The following ANAPC4 variants were observed in gnomAD, a reference collection of about 807,000 sequenced individuals.
The protein encoded by ANAPC4 is anaphase-promoting complex subunit 4.
A neutral mutation model predicts 119.8 loss-of-function variants in ANAPC4; 63 were observed. The observed-to-expected ratio is 0.53, with a 90% CI of 0.43 to 0.65. The LOEUF is 0.65. ANAPC4 is among the 30% of genes least tolerant of loss of function. The probability of loss-of-function intolerance (pLI) is 0.00; values close to 1 mark genes in which losing one functional copy is unlikely to be tolerated. For synonymous variants in ANAPC4, 283 were observed against 318.6 expected, an observed-to-expected ratio of 0.89 and a Z score of 1.19; for missense variants, 716 against 945.1, an observed-to-expected ratio of 0.76 and a Z score of 3.18.
rs530950879 is a variant in ANAPC4, at chr4:25,406,311, T to A, written c.1318-518T>A. 4.6e-5 allele frequency among the ~76,000 whole-genome samples: 7 copies of A among 152,340 alleles called. No individual in the cohort carries two copies. In the East Asian group the frequency reaches 7.7e-4, roughly 17 times the overall value. ...TTTCACAATAGTTGTTTTTCTGACA[T>A]CACTGTTAGCTTTATTTTGGGAGTA... is the stretch of plus-strand genomic sequence containing the variant. On this transcript the variant is annotated intron_variant, in intron 18 of 28. Transcript: ENST00000315368.
chr4:25,415,761 A>G (rs1011594119), intron 26 of ANAPC4: 7 of 422,054 alleles, frequency 1.7e-5, no homozygotes, highest in East Asian at 3.7e-5. Flanking sequence ...ACGGTTTCCT[A>G]TAATTAATAC....
intron 27 of ANAPC4, chr4:25,416,951 T>C (rs1723910579): frequency 6.2e-6 from 1 of 161,418 alleles, no homozygotes; most frequent in Non-Finnish European, 1.3e-5. Flanking sequence ...CTTCCAGAAT[T>C]AAGACCTCAG....
At chr4:25,400,837 T>A (rs959802984) in intron 16 of ANAPC4, among the ~76,000 whole-genome samples, 29 of 151,352 alleles carry the variant, frequency 1.9e-4, no homozygotes, top group Admixed American at 1.4e-3. Flanking sequence ...GGGAGGAAGG[T>A]GGGGGCCCTG....
chr4:25,404,207 T>C (rs952383777), intron 17 of ANAPC4, among the ~76,000 whole-genome samples: 1 of 152,224 alleles, frequency 6.6e-6, no homozygotes, highest in African/African-American at 2.4e-5. Flanking sequence ...AAAAACTGAA[T>C]GTGATCTGCC....
rs1721447036 is a variant in ANAPC4 at position 25,377,264 on chromosome 4, TGGAGGCTGTGGCGC to T, written c.-89_-76del. 1 of 927,462 alleles carries T rather than the reference TGGAGGCTGTGGCGC, an allele frequency of 1.1e-6. No individual in the cohort carries two copies. The highest frequency in any genetic ancestry group is 1.8e-5 in the South Asian group (1 of 54,694). 57.5% of individuals were successfully genotyped at this position (927,462 alleles called of 1,614,324 possible). On this transcript the variant is annotated 5_prime_UTR_variant, in exon 1 of 29. Transcript: ENST00000315368. ...GCGACAGCGGCGGGGCGGGGCGGCC[TGGAGGCTGTGGCGC>T]GCGGCCGGCAGAGGGAGGGGAGAGG...
chr4:25,408,535 AAAT>A (rs57999823), intron 20 of ANAPC4, among the ~76,000 whole-genome samples: 59,908 of 150,204 alleles, frequency 0.4, 13,687 homozygotes, highest in Non-Finnish European at 0.51. Flanking sequence ...AAAAAAAAAA[AAAT>A]TTTTTTTTTT....
At position 25,414,605 on chromosome 4, in the gene ANAPC4, T is replaced by A; in HGVS notation, c.1731T>A (p.Asn577Lys). Residue 577 changes from asparagine to lysine, a missense_variant, in exon 25 of 29, where the codon AAT becomes AAA. Physicochemically the swap from Asn to Lys is moderately conservative, Grantham distance 94. This residue lies in a region of ANAPC4 where 504 missense variants were observed against 615.8 expected (regional missense o/e 0.82). Transcript: ENST00000315368. ...TGACAATTTTTTTTCTTAGGTGGAA[T>A]AATAAAACTTCAAATCTACATTATC... ...RRLFKFPFLW[N>K]NKTSNLHYLL... 1 of 1,553,292 alleles carries A rather than the reference T, an allele frequency of 6.4e-7. No homozygotes were observed. The highest frequency in any genetic ancestry group is 8.7e-7 in the Non-Finnish European group (1 of 1,147,184).
At chr4:25,393,068 T>A (rs1722441890) in intron 10 of ANAPC4, among the ~76,000 whole-genome samples, 1 of 152,188 alleles carries the variant, frequency 6.6e-6, no homozygotes, top group South Asian at 2.1e-4. Context: ...GGACTCTGCA[T>A]CTGACTGGAG....
At chr4:25,388,276 C>T (rs923808267) in intron 4 of ANAPC4, among the ~76,000 whole-genome samples, 4 of 149,848 alleles carry the variant, frequency 2.7e-5, no homozygotes, top group Non-Finnish European at 5.9e-5. Flanking sequence ...CTAAATGTAA[C>T]GTGTGCAGGC....
intron 4 of ANAPC4, among the ~76,000 whole-genome samples, chr4:25,383,686 G>A (rs543596493): frequency 6.6e-6 from 1 of 152,216 alleles, no homozygotes; most frequent in East Asian, 1.9e-4. Context: ...GCATGTAAAA[G>A]TTATGTTTAT....
chr4:25,391,742 A>T (rs1722357162), intron 9 of ANAPC4, among the ~76,000 whole-genome samples: 1 of 152,226 alleles, frequency 6.6e-6, no homozygotes, highest in Non-Finnish European at 1.5e-5. Flanking sequence ...AACAAAAAAG[A>T]TGCAAGATGC....
chr4:25,383,691 G>A (rs1030748580), intron 4 of ANAPC4, among the ~76,000 whole-genome samples: 10 of 152,092 alleles, frequency 6.6e-5, no homozygotes, highest in African/African-American at 2.4e-4. Flanking sequence ...TAAAAGTTAT[G>A]TTTATATTAT....
intron 21 of ANAPC4, 142 bp from the exon 22 acceptor site, chr4:25,413,503 G>T: frequency 5.4e-6 from 3 of 560,254 alleles, no homozygotes; most frequent in Middle Eastern, 4.9e-4. Flanking sequence ...ATGAGGTTGT[G>T]TGAAAATCCA....
intron 20 of ANAPC4, among the ~76,000 whole-genome samples, chr4:25,407,972 A>G (rs1186782440): frequency 6.6e-6 from 1 of 152,254 alleles, no homozygotes; most frequent in Non-Finnish European, 1.5e-5. Flanking sequence ...GTGAAAAATA[A>G]TGAAATTTTA....
chr4:25,381,954 A>T (rs1721756046), intron 3 of ANAPC4, among the ~76,000 whole-genome samples: 1 of 152,244 alleles, frequency 6.6e-6, no homozygotes. Context: ...TCTCAAAAAA[A>T]AAATCCCTGA....
At chr4:25,413,188 T>A (rs1212243794) in intron 21 of ANAPC4, 1 of 152,648 alleles carries the variant, frequency 6.6e-6, no homozygotes, top group Non-Finnish European at 1.5e-5. Flanking sequence ...TATATTACTT[T>A]CTCCTGATAA....
At chr4:25,399,064 A>T (rs1392771783) in intron 16 of ANAPC4, among the ~76,000 whole-genome samples, 2 of 151,676 alleles carry the variant, frequency 1.3e-5, no homozygotes, top group African/African-American at 4.9e-5. Flanking sequence ...CCTTTACTTG[A>T]TTCATCATTT....
Position 25,416,446 on chromosome 4 carries a change from A to G in ANAPC4, c.1923A>G (p.Ala641=). The change falls in exon 27 of 29, where the codon GCA becomes GCG. Residue 641 remains alanine, a synonymous_variant. Coordinates refer to ENST00000315368, the MANE Select transcript of ANAPC4 (RefSeq NM_013367.3). ...CTAGCATCTACAGTTGTTTAGATGC[A>G]CAGTTTTATGATGATGAAACTGTAA... is the stretch of plus-strand genomic sequence containing the variant. The part of the protein sequence containing the change: ...VRRSIYSCLD[A]QFYDDETVTV... 6.4e-7 allele frequency: 1 copy of G among 1,550,436 alleles called. No individual in the cohort carries two copies. Among genetic ancestry groups the G allele is most frequent in the Non-Finnish European group, 8.8e-7 (1 of 1,141,010 alleles).
At chr4:25,380,738 T>C (rs1239237142) in intron 3 of ANAPC4, 3 of 303,298 alleles carry the variant, frequency 9.9e-6, no homozygotes, top group Non-Finnish European at 1.8e-5. Flanking sequence ...TCTGATGGAA[T>C]ATACAAAATG....
Sources: gnomAD v4.1 joint callset for allele counts (sites outside exome capture counted in the v4.1 genomes callset) on GRCh38, gnomAD v4.1.1 for gene constraint, gnomAD v4.1.1 regional missense constraint, MANE v1.5 for transcripts, NCBI Gene and HGNC (gene_info 2026-07-23, HGNC 2026-07-21) for gene names.